The following CAMK2D variants were observed in gnomAD, a reference collection of about 807,000 sequenced individuals.
CAMK2D encodes calcium/calmodulin-dependent protein kinase type II subunit delta.
A neutral mutation model predicts 84.0 loss-of-function variants in CAMK2D; 37 were observed. The ratio of observed to expected loss-of-function variants is 0.44; its 90% CI spans 0.34 to 0.58. The LOEUF is 0.58. Among genes scored for constraint, CAMK2D ranks in the 20% least tolerant of loss-of-function variants. The probability of loss-of-function intolerance (pLI) is 0.02; values close to 1 mark genes in which losing one functional copy is unlikely to be tolerated. For missense variants in CAMK2D, 448 were observed against 652.5 expected, an observed-to-expected ratio of 0.69 and a Z score of 3.41; for synonymous variants, 202 against 212.5, an observed-to-expected ratio of 0.95 and a Z score of 0.43.
chr4:113,700,285 A>G (rs2099414029), intron 2 of CAMK2D, among the ~76,000 whole-genome samples: 1 of 152,216 alleles, frequency 6.6e-6, no homozygotes, highest in Non-Finnish European at 1.5e-5. Context: ...TAAGTAAAGT[A>G]TATTCTACCA....
In CAMK2D at chr4:113,660,267, T is replaced by C. The variant is rs554225002; in HGVS notation, c.220+1446A>G. On this transcript the variant is annotated intron_variant, in intron 3 of 20. Transcript: ENST00000511664. Reference sequence around the variant, plus strand: ...ATTTCTGAATTTACTTTTTCTTTCCTGTGTTTTTCTTGTTTCTTATATTCA... The same window carrying C: ...ATTTCTGAATTTACTTTTTCTTTCCCGTGTTTTTCTTGTTTCTTATATTCA... 2.0e-5 allele frequency among the ~76,000 whole-genome samples: 3 copies of C among 152,362 alleles called. No individual in the cohort carries two copies. The South Asian group carries it at 6.2e-4, about 32-fold the overall frequency.
intron 3 of CAMK2D, among the ~76,000 whole-genome samples, chr4:113,655,102 C>A (rs891382076): frequency 4.6e-5 from 7 of 152,106 alleles, no homozygotes; most frequent in African/African-American, 1.7e-4. Context: ...TGCATTACCT[C>A]ATTCTATTGA....
At position 113,575,749 on chromosome 4, in the gene CAMK2D, T is replaced by C. The variant is rs567468780; in HGVS notation, c.276-23653A>G. On this transcript the variant is annotated intron_variant, in intron 4 of 20. Coordinates refer to ENST00000511664, the MANE Select transcript of CAMK2D (RefSeq NM_001321571.2). ...AATTTCCAGTTTCTAATTGCCTAAATGCTTGGACATTAGATTATAAAACCT... is the reference window on the plus strand; with the variant it reads ...AATTTCCAGTTTCTAATTGCCTAAACGCTTGGACATTAGATTATAAAACCT... Among the ~76,000 whole-genome samples the C allele has an allele frequency of 2.0e-5, 3 of 152,310 alleles. No individual in the cohort carries two copies. The East Asian group carries it at 5.8e-4, about 29-fold the overall frequency.
intron 4 of CAMK2D, among the ~76,000 whole-genome samples, chr4:113,598,637 C>T (rs958651438): frequency 1.1e-4 from 16 of 152,164 alleles, no homozygotes; most frequent in Admixed American, 3.3e-4. Context: ...AAACACACAC[C>T]GGATAAAGCT....
At chr4:113,581,840 A>G (rs1402181063) in intron 4 of CAMK2D, among the ~76,000 whole-genome samples, 1 of 152,194 alleles carries the variant, frequency 6.6e-6, no homozygotes, top group Non-Finnish European at 1.5e-5. Context: ...CACACCAGCT[A>G]TATTAAGTAA....
chr4:113,492,006 A>G (rs1345858905), intron 16 of CAMK2D, among the ~76,000 whole-genome samples: 2 of 151,734 alleles, frequency 1.3e-5, no homozygotes, highest in Non-Finnish European at 2.9e-5. Context: ...ATCATTTTTT[A>G]TTGCGTCTAT....
At chr4:113,555,186 C>T (rs1262235137) in intron 4 of CAMK2D, among the ~76,000 whole-genome samples, 2 of 152,240 alleles carry the variant, frequency 1.3e-5, no homozygotes, top group South Asian at 2.1e-4. Flanking sequence ...AGATCTTTGA[C>T]CATGAGGCTG....
At chr4:113,543,627 T>C (rs1000224654) in intron 6 of CAMK2D, among the ~76,000 whole-genome samples, 1 of 152,144 alleles carries the variant, frequency 6.6e-6, no homozygotes, top group Admixed American at 6.5e-5. Context: ...TTTAAAATGA[T>C]GCCTTCGTGG....
At chr4:113,494,405 G>C (rs2097894917) in intron 16 of CAMK2D, among the ~76,000 whole-genome samples, 1 of 152,218 alleles carries the variant, frequency 6.6e-6, no homozygotes, top group Non-Finnish European at 1.5e-5. Context: ...TGCCGTGTGA[G>C]GTGTCAGTGT....
chr4:113,603,771 T>TATA (rs1561290012), intron 4 of CAMK2D, among the ~76,000 whole-genome samples: 1 of 86,948 alleles, frequency 1.2e-5, no homozygotes, highest in African/African-American at 4.6e-5. Context: ...TTTCTTGCTA[T>TATA]TTTATATATA....
intron 2 of CAMK2D, among the ~76,000 whole-genome samples, chr4:113,728,874 T>C (rs1278076789): frequency 1.3e-5 from 2 of 152,162 alleles, no homozygotes; most frequent in African/African-American, 4.8e-5. Flanking sequence ...AAACCTTCAC[T>C]ATTATTAATT....
intron 3 of CAMK2D, among the ~76,000 whole-genome samples, chr4:113,642,229 G>T (rs1254269686): frequency 6.6e-6 from 1 of 152,072 alleles, no homozygotes; most frequent in Non-Finnish European, 1.5e-5. Context: ...GCCAGTTACT[G>T]TGCTCCAAAA....
At chr4:113,569,684 T>C (rs1055284156) in intron 4 of CAMK2D, among the ~76,000 whole-genome samples, 2 of 152,170 alleles carry the variant, frequency 1.3e-5, no homozygotes, top group Admixed American at 6.5e-5. Context: ...ACCATTATCA[T>C]ACAAGATCTT....
intron 2 of CAMK2D, among the ~76,000 whole-genome samples, chr4:113,744,139 C>T (rs2099599135): frequency 6.6e-6 from 1 of 152,164 alleles, no homozygotes; most frequent in Admixed American, 6.5e-5. Context: ...CACACCCAGC[C>T]CCCTATTTTG....
At position 113,742,431 on chromosome 4, in the gene CAMK2D, T is replaced by G. The variant is rs138988075; in HGVS notation, c.160+16889A>C. On this transcript the variant is annotated intron_variant, in intron 2 of 20. Transcript: ENST00000511664. Reference sequence around the variant, plus strand: ...AGGGAAAAATCATGAATAATTAGATTTTAAACATCAATAATAATAGCAATG... The same window carrying G: ...AGGGAAAAATCATGAATAATTAGATGTTAAACATCAATAATAATAGCAATG... Among the ~76,000 whole-genome samples the G allele has an allele frequency of 7.7e-3, 1,176 of 152,080 alleles. 19 individuals carry two copies. Among genetic ancestry groups the G allele is most frequent in the African/African-American group, 0.026 (1,099 of 41,474 alleles).
intron 2 of CAMK2D, among the ~76,000 whole-genome samples, chr4:113,689,571 C>T (rs2099377302): frequency 6.6e-6 from 1 of 152,306 alleles, no homozygotes; most frequent in East Asian, 1.9e-4. Context: ...TTGCCTCCAT[C>T]CTGTCCTTCT....
chr4:113,730,573 A>T (rs1169885391), intron 2 of CAMK2D, among the ~76,000 whole-genome samples: 1 of 152,238 alleles, frequency 6.6e-6, no homozygotes, highest in Non-Finnish European at 1.5e-5. Context: ...TATCAGGTTC[A>T]TCAAGGATCA....
chr4:113,638,568 T>G (rs1000647039), intron 3 of CAMK2D, among the ~76,000 whole-genome samples: 1 of 152,082 alleles, frequency 6.6e-6, no homozygotes, highest in African/African-American at 2.4e-5. Context: ...TAGAATGCAG[T>G]TGGACCACTT....
chr4:113,689,810 T>C (rs568933663), intron 2 of CAMK2D, among the ~76,000 whole-genome samples: 15 of 152,202 alleles, frequency 9.9e-5, no homozygotes, highest in Non-Finnish European at 1.9e-4. Context: ...TTTGACAACT[T>C]GTATAAAAGA....
Sources: gnomAD v4.1 joint callset for allele counts (sites outside exome capture counted in the v4.1 genomes callset) on GRCh38, gnomAD v4.1.1 for gene constraint, MANE v1.5 for transcripts, NCBI Gene and HGNC (gene_info 2026-07-23, HGNC 2026-07-21) for gene names.